The following UBE2H variants were observed in gnomAD, a reference collection of about 807,000 sequenced individuals.
UBE2H encodes the protein ubiquitin-conjugating enzyme E2 H.
UBE2H carries 3 observed loss-of-function variants against 29.0 expected under a neutral mutation model. The observed-to-expected ratio is 0.10, with a 90% CI of 0.05 to 0.27. The LOEUF (loss-of-function observed/expected upper bound fraction) is 0.27, where lower values mean the gene tolerates loss of function less well. Ranked by LOEUF, UBE2H falls within the 10% of genes least tolerant of loss-of-function variation. The probability of loss-of-function intolerance (pLI) is 1.00; values close to 1 mark genes in which losing one functional copy is unlikely to be tolerated. For missense variants in UBE2H, 68 were observed against 228.2 expected, an observed-to-expected ratio of 0.30 and a Z score of 4.52; for synonymous variants, 69 against 82.9, an observed-to-expected ratio of 0.83 and a Z score of 0.91.
intron 1 of UBE2H, among the ~76,000 whole-genome samples, chr7:129,908,461 G>C (rs1007090249): frequency 3.9e-5 from 6 of 152,184 alleles, no homozygotes; most frequent in African/African-American, 1.4e-4. Flanking sequence ...ATAGAGTAAA[G>C]AGGGTTTTCT....
chr7:129,892,795 A>C (rs897094382), intron 1 of UBE2H, among the ~76,000 whole-genome samples: 1 of 152,094 alleles, frequency 6.6e-6, no homozygotes, highest in Admixed American at 6.6e-5. Context: ...AAATGTATCT[A>C]TAGTAGGCTA....
intron 1 of UBE2H, among the ~76,000 whole-genome samples, chr7:129,950,148 C>G (rs894842474): frequency 6.6e-6 from 1 of 152,170 alleles, no homozygotes; most frequent in African/African-American, 2.4e-5. Context: ...ACAACACACA[C>G]AAAAGGAAAT....
At chr7:129,880,507 T>TAATA (rs543233130) in intron 2 of UBE2H, among the ~76,000 whole-genome samples, 214 of 152,172 alleles carry the variant, frequency 1.4e-3, no homozygotes, top group Non-Finnish European at 2.2e-3. Context: ...CTCCATCACT[T>TAATA]AATAAATAAA....
chr7:129,912,370 T>C (rs756959169), intron 1 of UBE2H, among the ~76,000 whole-genome samples: 19 of 152,172 alleles, frequency 1.2e-4, no homozygotes, highest in Non-Finnish European at 1.0e-4. Context: ...AGTCTAAACA[T>C]GAAATTCATT....
At chr7:129,874,467 G>A (rs559848966) in intron 3 of UBE2H, among the ~76,000 whole-genome samples, 59 of 151,908 alleles carry the variant, frequency 3.9e-4, no homozygotes, top group African/African-American at 1.2e-3. Context: ...CCGCCACCAC[G>A]CCCAGCTAAT....
intron 1 of UBE2H, among the ~76,000 whole-genome samples, chr7:129,918,363 T>C (rs1272278782): frequency 8.7e-6 from 1 of 115,552 alleles, no homozygotes; most frequent in Non-Finnish European, 1.8e-5. Flanking sequence ...ATCCAAATTC[T>C]TTTTTTTTTT....
intron 1 of UBE2H, among the ~76,000 whole-genome samples, chr7:129,918,062 G>A (rs956437279): frequency 6.6e-6 from 1 of 152,144 alleles, no homozygotes; most frequent in African/African-American, 2.4e-5. Flanking sequence ...TCCAAAAACT[G>A]CTTTTATTAG....
intron 1 of UBE2H, among the ~76,000 whole-genome samples, chr7:129,944,790 TCTAG>T: frequency 6.6e-6 from 1 of 151,068 alleles, no homozygotes; most frequent in African/African-American, 2.4e-5. Context: ...TACCACATGA[TCTAG>T]CTTAGCCAAG....
chr7:129,891,542 G>A (rs989618114), intron 1 of UBE2H, among the ~76,000 whole-genome samples: 1 of 152,074 alleles, frequency 6.6e-6, no homozygotes, highest in Non-Finnish European at 1.5e-5. Context: ...GGTAGCTCAC[G>A]CCTATAATCC....
intron 1 of UBE2H, among the ~76,000 whole-genome samples, chr7:129,927,878 T>C (rs1344989310): frequency 5.3e-5 from 8 of 152,176 alleles, no homozygotes; most frequent in African/African-American, 1.4e-4. Context: ...AGTCTTAGTG[T>C]GCATTCGAAG....
intron 1 of UBE2H, among the ~76,000 whole-genome samples, chr7:129,888,480 C>CT (rs529356674): frequency 0.011 from 1,551 of 145,188 alleles, 9 homozygotes; most frequent in African/African-American, 0.012. Flanking sequence ...TAGCAAGACC[C>CT]TTTTTTTTTT....
intron 6 of UBE2H, among the ~76,000 whole-genome samples, chr7:129,838,128 C>T (rs1048174729): frequency 1.8e-4 from 27 of 152,152 alleles, no homozygotes; most frequent in African/African-American, 6.3e-4. Flanking sequence ...GTTTGCTTAG[C>T]TATATATTTT....
In UBE2H at chr7:129,839,190, A is replaced by G; in HGVS notation, c.427+17T>C. 1 of 1,606,926 alleles carries G rather than the reference A, an allele frequency of 6.2e-7. No individual in the cohort carries two copies. Among genetic ancestry groups the G allele is most frequent in the East Asian group, 2.2e-5 (1 of 44,804 alleles). On this transcript the variant is annotated intron_variant, in intron 6 of 6. Coordinates refer to ENST00000355621, the MANE Select transcript of UBE2H (RefSeq NM_003344.4). ...TTAAGTTCTTTTGTCTCCAGGTTAA[A>G]CTACCCATCCTCTTACCTTTAATTT...
Position 129,836,879 on chromosome 7 carries a change from C to CAAAAAAAAAAA in UBE2H, c.428-1829_428-1819dup, listed in dbSNP as rs61226846. ...TAGGCGACAGGGCAAGACTCCGTCT[C>CAAAAAAAAAAA]AAAAAAAAAAAAAAAAAAAAAAAAA... is the stretch of plus-strand genomic sequence containing the variant. On this transcript the variant is annotated intron_variant, in intron 6 of 6. Coordinates refer to ENST00000355621, the MANE Select transcript of UBE2H (RefSeq NM_003344.4). Among the ~76,000 whole-genome samples the CAAAAAAAAAAA allele has an allele frequency of 2.4e-3, 177 of 73,722 alleles. 14 individuals are homozygous for CAAAAAAAAAAA. Among genetic ancestry groups the CAAAAAAAAAAA allele is most frequent in the South Asian group, 4.7e-3 (7 of 1,482 alleles). The allele number at this position is 73,722 out of a possible 152,430, so 48.4% of individuals were successfully genotyped here. A position where few individuals can be genotyped will look rare whatever the true frequency, so the allele number is the denominator to read the frequency against.
At chr7:129,922,239 C>G (rs1225560838) in intron 1 of UBE2H, among the ~76,000 whole-genome samples, 1 of 152,014 alleles carries the variant, frequency 6.6e-6, no homozygotes, top group Non-Finnish European at 1.5e-5. Context: ...CCACCCACCT[C>G]AGCCTCCCAG....
At chr7:129,854,068 T>TATTTTTTTTATTTTTTTTTTA (rs1805661323) in intron 5 of UBE2H, among the ~76,000 whole-genome samples, 1 of 148,706 alleles carries the variant, frequency 6.7e-6, no homozygotes, top group Non-Finnish European at 1.5e-5. Flanking sequence ...TAGTTTTTTT[T>TATTTTTTTTATTTTTTTTTTA]TTTTTTTTTT....
At position 129,952,501 on chromosome 7, in the gene UBE2H, A is replaced by G; in HGVS notation, c.53+2T>C. On this transcript the variant is annotated splice_donor_variant, in intron 1 of 6. Coordinates refer to ENST00000355621, the MANE Select transcript of UBE2H (RefSeq NM_003344.4). LOFTEE classifies it high-confidence loss of function. ...GCCCGAATTCCCCTCCACGAAGGAT[A>G]CAGCTTGACCACGTCCGTGTCCATC... 6.2e-7 allele frequency: 1 copy of G among 1,612,544 alleles called. No homozygotes were observed. The highest frequency in any genetic ancestry group is 8.5e-7 in the Non-Finnish European group (1 of 1,179,140).
chr7:129,869,958 T>C (rs1428877837), intron 3 of UBE2H, among the ~76,000 whole-genome samples: 2 of 152,204 alleles, frequency 1.3e-5, no homozygotes, highest in Non-Finnish European at 2.9e-5. Context: ...TTTACCACAA[T>C]CCTGCAAATC....
chr7:129,937,761 T>A (rs1333393557), intron 1 of UBE2H, among the ~76,000 whole-genome samples: 2 of 152,228 alleles, frequency 1.3e-5, no homozygotes, highest in Non-Finnish European at 2.9e-5. Context: ...AAAGGTATTT[T>A]AAATCTTTAT....
Sources: gnomAD v4.1 joint callset for allele counts (sites outside exome capture counted in the v4.1 genomes callset) on GRCh38, gnomAD v4.1.1 for gene constraint, MANE v1.5 for transcripts, NCBI Gene and HGNC (gene_info 2026-07-23, HGNC 2026-07-21) for gene names.